ADRA1B: variants seen among roughly 807,000 people sequenced by gnomAD.
ADRA1B encodes adrenoceptor alpha 1B, also known as alpha-1B adrenergic receptor.
Under a neutral mutation model 17.9 loss-of-function variants are expected in ADRA1B, and 17 were observed. That is an observed-to-expected ratio of 0.95 (90% CI 0.65 to 1.42). ADRA1B has a LOEUF of 1.42. Among genes scored for constraint, ADRA1B ranks in the 40% most tolerant of loss-of-function variants. The pLI, the probability that ADRA1B is intolerant of heterozygous loss-of-function variation, is 0.00. For synonymous variants in ADRA1B, 366 were observed against 327.6 expected, an observed-to-expected ratio of 1.12 and a Z score of -1.27; for missense variants, 681 against 722.1, an observed-to-expected ratio of 0.94 and a Z score of 0.65.
At chr5:159,923,280 G>A (rs1415077879) in intron 1 of ADRA1B, among the ~76,000 whole-genome samples, 3 of 152,288 alleles carry the variant, frequency 2.0e-5, no homozygotes, top group Non-Finnish European at 2.9e-5. Context: ...GCAGATGAAA[G>A]ATACTGTCTG....
At chr5:159,962,925 CTTTTCTTTTCTT>C (rs1755703223) in intron 1 of ADRA1B, among the ~76,000 whole-genome samples, 1 of 73,610 alleles carries the variant, frequency 1.4e-5, no homozygotes, top group Admixed American at 1.5e-4. Flanking sequence ...CTTTCTTTTT[CTTTTCTTTTCTT>C]TTTTTTTTTT....
At chr5:159,924,065 A>C (rs917690036) in intron 1 of ADRA1B, among the ~76,000 whole-genome samples, 2 of 152,266 alleles carry the variant, frequency 1.3e-5, no homozygotes, top group Non-Finnish European at 2.9e-5. Flanking sequence ...TTGTTAGTAC[A>C]CTTCTTCTCC....
intron 1 of ADRA1B, among the ~76,000 whole-genome samples, chr5:159,969,869 T>C (rs1755836758): frequency 6.6e-6 from 1 of 152,210 alleles, no homozygotes; most frequent in Non-Finnish European, 1.5e-5. Context: ...GCTTTTAAAA[T>C]AGTTTCTCTT....
Position 159,923,145 on chromosome 5 carries a change from G to A in ADRA1B, c.949+5291G>A, listed in dbSNP as rs537990026. On this transcript the variant is annotated intron_variant, in intron 1 of 1. Coordinates refer to ENST00000306675, the MANE Select transcript of ADRA1B (RefSeq NM_000679.4). Reference sequence around the variant, plus strand: ...ACTAACAGAGCCCAGAGAATTAGAAGGGAGGCAGGTGCGTGTCAAGGCCAG... The same window carrying A: ...ACTAACAGAGCCCAGAGAATTAGAAAGGAGGCAGGTGCGTGTCAAGGCCAG... Among the ~76,000 whole-genome samples the A allele has an allele frequency of 1.3e-4, 20 of 152,394 alleles. No individual in the cohort carries two copies. The East Asian group carries it at 3.7e-3, about 28-fold the overall frequency.
At chr5:159,879,397 C>A (rs924431376) in intron 1 of ADRA1B, among the ~76,000 whole-genome samples, 14 of 152,158 alleles carry the variant, frequency 9.2e-5, no homozygotes, top group African/African-American at 3.4e-4. Flanking sequence ...GGAATGACAT[C>A]TTTTGGTTAT....
chr5:159,927,190 G>A (rs928396337), intron 1 of ADRA1B, among the ~76,000 whole-genome samples: 1 of 151,964 alleles, frequency 6.6e-6, no homozygotes, highest in African/African-American at 2.4e-5. Flanking sequence ...TTGCCAATTG[G>A]CCCTTACATT....
rs377156040 is a variant in ADRA1B at position 159,900,820 on chromosome 5, G to A, written c.-255-15299G>A. On this transcript the variant is annotated intron_variant, in intron 1 of 2. Transcript: ENST00000641205. ...CTTGGGACAGACAGGCTAAGGACCA[G>A]CTCAGAGTGTCTTCATAAGGACTGT... is the stretch of plus-strand genomic sequence containing the variant. Among the ~76,000 whole-genome samples, 6 of 152,346 alleles carry A rather than the reference G, an allele frequency of 3.9e-5. No individual in the cohort carries two copies. In the South Asian group the frequency reaches 6.2e-4, roughly 16 times the overall value.
At chr5:159,880,261 TA>T (rs1481947514) in intron 1 of ADRA1B, among the ~76,000 whole-genome samples, 2 of 152,160 alleles carry the variant, frequency 1.3e-5, no homozygotes, top group Non-Finnish European at 2.9e-5. Flanking sequence ...CAGCATTTCA[TA>T]AAAAGAAAAC....
At chr5:159,953,655 T>C (rs1203356999) in intron 1 of ADRA1B, among the ~76,000 whole-genome samples, 1 of 152,158 alleles carries the variant, frequency 6.6e-6, no homozygotes, top group Non-Finnish European at 1.5e-5. Flanking sequence ...GTTTCATCTA[T>C]AAAATGGGCT....
At chr5:159,962,483 C>A (rs141277525) in intron 1 of ADRA1B, among the ~76,000 whole-genome samples, 25 of 152,174 alleles carry the variant, frequency 1.6e-4, no homozygotes, top group Non-Finnish European at 1.6e-4. Context: ...CATTTTAAAC[C>A]TGTCTCTCAC....
Position 159,972,528 on chromosome 5 carries a change from A to G in ADRA1B, c.*36A>G. The G allele has an allele frequency of 1.4e-6, 1 of 732,738 alleles. No individual in the cohort carries two copies. The highest frequency in any genetic ancestry group is 3.1e-5 in the South Asian group (1 of 32,170). The allele number at this position is 732,738 out of a possible 1,614,324, so 45.4% of individuals were successfully genotyped here. ...CGCAGCTTTCTTTCCCTGGGGAGGA[A>G]AACATCGTGGGGGGGAGGGGAGGGC... On this transcript the variant is annotated 3_prime_UTR_variant, in exon 2 of 2. Coordinates refer to ENST00000306675, the MANE Select transcript of ADRA1B (RefSeq NM_000679.4).
chr5:159,904,003 T>C (rs1754130126), intron 1 of ADRA1B, among the ~76,000 whole-genome samples: 1 of 152,172 alleles, frequency 6.6e-6, no homozygotes, highest in Non-Finnish European at 1.5e-5. Context: ...TGTGTGTAAA[T>C]ACTAGAAAGC....
intron 1 of ADRA1B, among the ~76,000 whole-genome samples, chr5:159,905,971 C>A (rs778053890): frequency 3.9e-5 from 6 of 152,026 alleles, no homozygotes; most frequent in Non-Finnish European, 8.8e-5. Flanking sequence ...GTTCTCCTGT[C>A]AGCCTCCCAA....
At chr5:159,983,761 AT>A in the ADRA1B span, among the ~76,000 whole-genome samples, 1 of 151,480 alleles carries the variant, frequency 6.6e-6, no homozygotes, top group Non-Finnish European at 1.5e-5. Flanking sequence ...GAGAGACAAG[AT>A]TTTTTTTTCT....
intron 1 of ADRA1B, chr5:159,867,782 T>C (rs943934393): frequency 5.3e-5 from 8 of 152,244 alleles, no homozygotes; most frequent in African/African-American, 1.9e-4. Context: ...GTCCCTGTCA[T>C]AATAGAGCTC....
In ADRA1B at chr5:159,866,112, G is replaced by A. The variant is rs1753649713; in HGVS notation, c.-256+906G>A. ...GGACAAGATAATGATGCCCAGCCTG[G>A]GCAGCATAGTGAAACCTCATATCTA... On this transcript the variant is annotated intron_variant, in intron 1 of 2. Coordinates refer to the ADRA1B transcript ENST00000641205. Among the ~76,000 whole-genome samples the A allele has an allele frequency of 2.0e-5, 3 of 151,904 alleles. No individual in the cohort carries two copies. The South Asian group carries it at 6.2e-4, about 32-fold the overall frequency.
chr5:159,954,267 G>A (rs960745698), intron 1 of ADRA1B, among the ~76,000 whole-genome samples: 5 of 152,184 alleles, frequency 3.3e-5, no homozygotes, highest in South Asian at 2.1e-4. Context: ...CTGGAAGTCC[G>A]AGATCAGGGT....
intron 1 of ADRA1B, among the ~76,000 whole-genome samples, chr5:159,947,431 C>T (rs566217125): frequency 6.6e-6 from 1 of 152,250 alleles, no homozygotes; most frequent in South Asian, 2.1e-4. Context: ...CAGAGCTGAG[C>T]TTGCAACTAG....
At chr5:159,955,307 C>T (rs777539310) in intron 1 of ADRA1B, 13 of 478,162 alleles carry the variant, frequency 2.7e-5, no homozygotes, top group Non-Finnish European at 3.5e-5. Flanking sequence ...AGAGGTGACA[C>T]AGAGCCATCC....
Sources: gnomAD v4.1 joint callset for allele counts (sites outside exome capture counted in the v4.1 genomes callset) on GRCh38, gnomAD v4.1.1 for gene constraint, MANE v1.5 for transcripts, NCBI Gene and HGNC (gene_info 2026-07-23, HGNC 2026-07-21) for gene names.